The following TRIM67 variants were observed in gnomAD, a reference collection of about 807,000 sequenced individuals.
The protein encoded by TRIM67 is tripartite motif containing 67.
In TRIM67, 39 loss-of-function variants were observed where a neutral mutation model predicts 71.0. The observed-to-expected ratio is 0.55, with a 90% CI of 0.43 to 0.72. TRIM67 has a LOEUF of 0.72. TRIM67 is among the 30% of genes least tolerant of loss of function. TRIM67 has a pLI of 0.00. For missense variants in TRIM67, 973 were observed against 1,079.2 expected (o/e 0.90, Z 1.38); for synonymous variants, 481 against 473.9 (o/e 1.01, Z -0.19).
At chr1:231,207,585 T>A (rs893281706) in intron 7 of TRIM67, among the ~76,000 whole-genome samples, 1 of 152,194 alleles carries the variant, frequency 6.6e-6, no homozygotes, top group Non-Finnish European at 1.5e-5. Context: ...CGTGCATTCA[T>A]TGTTATCATT....
chr1:231,210,408 C>A (rs1339702204), intron 8 of TRIM67, among the ~76,000 whole-genome samples: 1 of 151,800 alleles, frequency 6.6e-6, no homozygotes, highest in Non-Finnish European at 1.5e-5. Context: ...GCCTGAGGGC[C>A]CTCAGGACCC....
intron 1 of TRIM67, among the ~76,000 whole-genome samples, chr1:231,193,188 C>T (rs568818309): frequency 1.1e-4 from 17 of 152,350 alleles, no homozygotes; most frequent in African/African-American, 4.1e-4. Context: ...TTGCATGCAC[C>T]TCAAGCAATT....
At chr1:231,204,120 C>A in intron 6 of TRIM67, 108 bp downstream of exon 6, 1 of 1,486,364 alleles carries the variant, frequency 6.7e-7, no homozygotes, top group South Asian at 1.3e-5. Flanking sequence ...ATTGTGTTGC[C>A]ATCCTGAGGG....
At position 231,164,803 on chromosome 1, in the gene TRIM67, G is replaced by A. The variant is rs1208463241; in HGVS notation, c.1044+790G>A. Reference sequence around the variant, plus strand: ...TCCAACTGGAAATAAGCAAAAAGGTGAGCACAGATGAGAGGAAGAGACTAA... The same window carrying A: ...TCCAACTGGAAATAAGCAAAAAGGTAAGCACAGATGAGAGGAAGAGACTAA... On this transcript the variant is annotated intron_variant, in intron 1 of 9. Transcript: ENST00000366653. Among the ~76,000 whole-genome samples, 4 of 152,184 alleles carry A rather than the reference G, an allele frequency of 2.6e-5. No homozygotes were observed. In the East Asian group the frequency reaches 5.8e-4, roughly 22 times the overall value.
At chr1:231,188,243 CAT>C (rs1683138663) in intron 1 of TRIM67, among the ~76,000 whole-genome samples, 1 of 152,204 alleles carries the variant, frequency 6.6e-6, no homozygotes, top group African/African-American at 2.4e-5. Flanking sequence ...CATCCTCCCA[CAT>C]GTGTCCCCTG....
chr1:231,217,244 T>C lies in TRIM67; in HGVS notation c.*1804T>C. ...CCCGTCTCCAGGAGCTGCTCGGTGC[T>C]GTGTTGCAGTCTCTGCTGCGGAGCC... is the stretch of plus-strand genomic sequence containing the variant. On this transcript the variant is annotated 3_prime_UTR_variant, in exon 10 of 10. Coordinates refer to ENST00000366653, the MANE Select transcript of TRIM67 (RefSeq NM_001004342.5). 9.1e-6 allele frequency: 9 copies of C among 986,060 alleles called. No individual in the cohort carries two copies. Among genetic ancestry groups the C allele is most frequent in the Non-Finnish European group, 1.1e-5 (9 of 830,098 alleles). The allele number at this position is 986,060 out of a possible 1,614,324, so 61.1% of individuals were successfully genotyped here.
In TRIM67 at chr1:231,217,952, G is replaced by T; in HGVS notation, c.*2512G>T. 7.9e-7 allele frequency: 1 copy of T among 1,262,086 alleles called. No individual in the cohort carries two copies. Among genetic ancestry groups the T allele is most frequent in the Non-Finnish European group, 1.0e-6 (1 of 976,626 alleles). 78.2% of individuals were successfully genotyped at this position (1,262,086 alleles called of 1,614,324 possible). On this transcript the variant is annotated 3_prime_UTR_variant, in exon 10 of 10. Coordinates refer to ENST00000366653, the MANE Select transcript of TRIM67 (RefSeq NM_001004342.5). ...TCCCCACTGCCACCCTGAGCTTGGG[G>T]GCTGGGATTCTCCCTTTTCTGACTC...
intron 1 of TRIM67, among the ~76,000 whole-genome samples, chr1:231,190,886 C>T (rs894430802): frequency 2.6e-5 from 4 of 152,142 alleles, no homozygotes; most frequent in Non-Finnish European, 5.9e-5. Context: ...AGGGTCTCCA[C>T]GTGCTCACCT....
intron 1 of TRIM67, among the ~76,000 whole-genome samples, chr1:231,167,317 G>GTTTTTTTTTTTTTTTTTTT (rs1340006817): frequency 3.0e-5 from 2 of 66,762 alleles, no homozygotes. Context: ...TCACTCTAAT[G>GTTTTTTTTTTTTTTTTTTT]TCTTTTTTTT....
intron 1 of TRIM67, among the ~76,000 whole-genome samples, chr1:231,182,852 G>A (rs987290337): frequency 3.9e-5 from 6 of 152,218 alleles, no homozygotes; most frequent in Non-Finnish European, 5.9e-5. Flanking sequence ...AGAAGCCCCC[G>A]TGTGCCTGCG....
chr1:231,194,191 G>A (rs1018638763), intron 1 of TRIM67, among the ~76,000 whole-genome samples: 3 of 152,344 alleles, frequency 2.0e-5, no homozygotes, highest in African/African-American at 7.2e-5. Context: ...CAGCCCCAGG[G>A]GGCCCATGCT....
intron 1 of TRIM67, among the ~76,000 whole-genome samples, chr1:231,173,150 TAA>T (rs1444727439): frequency 1.3e-5 from 2 of 152,276 alleles, no homozygotes; most frequent in African/African-American, 4.8e-5. Context: ...TCAAAGAACA[TAA>T]ATCTAGTCAC....
At chr1:231,187,533 A>G in intron 1 of TRIM67, 2 of 1,532,244 alleles carry the variant, frequency 1.3e-6, no homozygotes, top group Non-Finnish European at 1.7e-6. Flanking sequence ...ACTGAGGGGC[A>G]GATAAAAAGG....
At chr1:231,176,375 C>T (rs1338456855) in intron 1 of TRIM67, among the ~76,000 whole-genome samples, 3 of 152,034 alleles carry the variant, frequency 2.0e-5, no homozygotes, top group African/African-American at 7.3e-5. Flanking sequence ...TGAATTTCCC[C>T]CAGAGATTAG....
chr1:231,216,929 A>G lies in TRIM67; in HGVS notation c.*1489A>G. The G allele has an allele frequency of 1.0e-6, 1 of 985,656 alleles. No individual in the cohort carries two copies. The highest frequency in any genetic ancestry group is 1.2e-6 in the Non-Finnish European group (1 of 829,952). The allele number at this position is 985,656 out of a possible 1,614,324, so 61.1% of individuals were successfully genotyped here. Reference sequence around the variant, plus strand: ...GTAACATTTCTCTCTCCTTTTAAAAAGAATATATTTTGTCAAGCATTTTAT... The same window carrying G: ...GTAACATTTCTCTCTCCTTTTAAAAGGAATATATTTTGTCAAGCATTTTAT... On this transcript the variant is annotated 3_prime_UTR_variant, in exon 10 of 10. Coordinates refer to ENST00000366653, the MANE Select transcript of TRIM67 (RefSeq NM_001004342.5).
chr1:231,211,031 A>AAT (rs1553328726), intron 8 of TRIM67, among the ~76,000 whole-genome samples: 1,409 of 127,204 alleles, frequency 0.011, 24 homozygotes, highest in African/African-American at 0.033. Flanking sequence ...AAAAAAAAAA[A>AAT]ATATATATAT....
Position 231,217,726 on chromosome 1 carries a change from G to A in TRIM67, c.*2286G>A, listed in dbSNP as rs1684051729. 1 of 1,241,566 alleles carries A rather than the reference G, an allele frequency of 8.1e-7. No individual in the cohort carries two copies. Among genetic ancestry groups the A allele is most frequent in the South Asian group, 1.4e-5 (1 of 73,098 alleles). The allele number at this position is 1,241,566 out of a possible 1,614,324, so 76.9% of individuals were successfully genotyped here. On this transcript the variant is annotated 3_prime_UTR_variant, in exon 10 of 10. Transcript: ENST00000366653. ...CCATCACCACAGCCCAGGTCACCAGGTGGCCCCAGCTCTGCAGAAGAATCG... is the reference window on the plus strand; with the variant it reads ...CCATCACCACAGCCCAGGTCACCAGATGGCCCCAGCTCTGCAGAAGAATCG...
intron 6 of TRIM67, among the ~76,000 whole-genome samples, chr1:231,204,521 A>G (rs1683642499): frequency 6.6e-6 from 1 of 152,176 alleles, no homozygotes; most frequent in African/African-American, 2.4e-5. Flanking sequence ...TCATGGGGGC[A>G]ATAAAGGTTC....
Position 231,163,309 on chromosome 1 carries a change from TC to T in TRIM67, c.342del (p.Tyr115ThrfsTer202). On this transcript the variant is annotated frameshift_variant, in exon 1 of 10. Coordinates refer to ENST00000366653, the MANE Select transcript of TRIM67 (RefSeq NM_001004342.5). LOFTEE classifies it high-confidence loss of function. ...CAGCGAGACAGACAGCGGCTACGGG[TC>T]CTACACCCCGAGCCTCAAGTCCCCC... ...LYSETDSGYG[S>X]YTPSLKSPNG... 6.6e-7 allele frequency: 1 copy of T among 1,520,612 alleles called. No individual in the cohort carries two copies. The highest frequency in any genetic ancestry group is 2.6e-5 in the East Asian group (1 of 37,798). The allele number at this position is 1,520,612 out of a possible 1,614,324, so 94.2% of individuals were successfully genotyped here.
Sources: allele counts gnomAD v4.1 joint callset (sites outside exome capture counted in the v4.1 genomes callset), GRCh38; gene constraint gnomAD v4.1.1; transcripts MANE v1.5; gene names NCBI Gene and HGNC (gene_info 2026-07-23, HGNC 2026-07-21).